NAV2: variants seen among roughly 807,000 people sequenced by gnomAD.
NAV2 encodes the protein helicase, APC down-regulated 1.
A neutral mutation model predicts 223.2 loss-of-function variants in NAV2; 54 were observed. The observed-to-expected ratio is 0.24, with a 90% CI of 0.19 to 0.30. The LOEUF (loss-of-function observed/expected upper bound fraction) is 0.30. Among genes scored for constraint, NAV2 ranks in the 10% least tolerant of loss-of-function variants. The pLI, the probability that NAV2 is intolerant of heterozygous loss-of-function variation, is 1.00. For synonymous variants in NAV2, 1,279 were observed against 1,239.3 expected, an observed-to-expected ratio of 1.03 and a Z score of -0.67; for missense variants, 2,806 against 3,147.5, an observed-to-expected ratio of 0.89 and a Z score of 2.60.
chr11:20,112,243 C>T (rs916444330), intron 36 of NAV2, among the ~76,000 whole-genome samples: 6 of 152,196 alleles, frequency 3.9e-5, no homozygotes, highest in African/African-American at 1.2e-4. Context: ...GCCCCTCACA[C>T]GATTCCTTCC....
chr11:19,936,785 A>T (rs1251002478), intron 7 of NAV2, among the ~76,000 whole-genome samples: 1 of 152,214 alleles, frequency 6.6e-6, no homozygotes, highest in African/African-American at 2.4e-5. Context: ...CTAGCAGCTT[A>T]GAGGTAATTA....
intron 17 of NAV2, among the ~76,000 whole-genome samples, chr11:20,052,415 G>A (rs2058070074): frequency 6.6e-6 from 1 of 152,200 alleles, no homozygotes; most frequent in Non-Finnish European, 1.5e-5. Context: ...GGGGGCCTTG[G>A]CAAGGCCTTT....
chr11:19,443,052 G>A (rs550871360), intron 1 of NAV2, among the ~76,000 whole-genome samples: 1 of 152,300 alleles, frequency 6.6e-6, no homozygotes, highest in South Asian at 2.1e-4. Context: ...AGGTAACGTA[G>A]TAAAAAGAGC....
At chr11:19,751,517 C>T (rs553349515) in intron 1 of NAV2, among the ~76,000 whole-genome samples, 30 of 152,254 alleles carry the variant, frequency 2.0e-4, no homozygotes, top group Non-Finnish European at 3.5e-4. Context: ...TTACTGTTTT[C>T]CAAGTTTTTC....
intron 2 of NAV2, among the ~76,000 whole-genome samples, chr11:19,836,832 T>C (rs1044126360): frequency 6.6e-6 from 1 of 152,176 alleles, no homozygotes; most frequent in Non-Finnish European, 1.5e-5. Flanking sequence ...TGCTGGCAGA[T>C]TCTATGTCTT....
intron 6 of NAV2, among the ~76,000 whole-genome samples, chr11:19,908,192 G>T (rs2043027850): frequency 6.6e-6 from 1 of 152,252 alleles, no homozygotes; most frequent in Non-Finnish European, 1.5e-5. Context: ...TAAGGTAGAG[G>T]CTGGCTTCCT....
rs184922700 is a variant in NAV2 at position 19,963,778 on chromosome 11, G to T, written c.2645+14698G>T. Among the ~76,000 whole-genome samples the T allele has an allele frequency of 3.3e-5, 5 of 152,294 alleles. No homozygotes were observed. In the East Asian group the frequency reaches 9.6e-4, roughly 29 times the overall value. ...AGTGCTTATGCAGAAAGTGAATGGG[G>T]GCAAAACTGGTTCTCTGCGTGCTGG... On this transcript the variant is annotated intron_variant, in intron 10 of 37. Coordinates refer to ENST00000349880, the MANE Select transcript of NAV2 (RefSeq NM_145117.5).
intron 1 of NAV2, among the ~76,000 whole-genome samples, chr11:19,630,443 AC>A (rs781174747): frequency 1.3e-5 from 2 of 152,136 alleles, no homozygotes; most frequent in African/African-American, 2.4e-5. Flanking sequence ...ATTCCGAGGA[AC>A]CCTAGGGTTC....
rs1849755237 is a variant in NAV2 at position 19,403,097 on chromosome 11, T to A, written c.75+52070T>A. On this transcript the variant is annotated intron_variant, in intron 1 of 37. Transcript: ENST00000360655. ...TGATTCTGTTTCTACATCTGAAATA[T>A]GGGTTGTTAAAAGGTGATGAGTTAA... Among the ~76,000 whole-genome samples, 5 of 152,160 alleles carry A rather than the reference T, an allele frequency of 3.3e-5. No individual in the cohort carries two copies. The South Asian group carries it at 1.0e-3, about 32-fold the overall frequency.
chr11:19,984,720 G>A (rs1418452160), intron 11 of NAV2, among the ~76,000 whole-genome samples: 1 of 152,186 alleles, frequency 6.6e-6, no homozygotes, highest in Non-Finnish European at 1.5e-5. Flanking sequence ...TAAGGACATG[G>A]GTTTAGACAC....
intron 1 of NAV2, among the ~76,000 whole-genome samples, chr11:19,703,835 A>T (rs1049531291): frequency 1.3e-5 from 2 of 152,038 alleles, no homozygotes; most frequent in Non-Finnish European, 2.9e-5. Context: ...GCCTGTGCCC[A>T]CTCCCAGAAT....
intron 1 of NAV2, among the ~76,000 whole-genome samples, chr11:19,695,625 C>T (rs1395333459): frequency 1.3e-5 from 2 of 152,142 alleles, no homozygotes; most frequent in Non-Finnish European, 1.5e-5. Flanking sequence ...CTGGATGGGC[C>T]GGGCATGGTG....
At chr11:19,656,081 T>C (rs988318909) in intron 1 of NAV2, among the ~76,000 whole-genome samples, 16 of 152,068 alleles carry the variant, frequency 1.1e-4, no homozygotes, top group Admixed American at 3.3e-4. Context: ...AACCTTTCCG[T>C]GAAGGGGCTC....
At chr11:19,902,713 T>C (rs1207815465) in intron 6 of NAV2, among the ~76,000 whole-genome samples, 1 of 152,198 alleles carries the variant, frequency 6.6e-6, no homozygotes, top group African/African-American at 2.4e-5. Flanking sequence ...TTTACCTTTC[T>C]GGGTGCTCTC....
intron 6 of NAV2, among the ~76,000 whole-genome samples, chr11:19,897,905 TGTGAGC>T (rs1181475331): frequency 1.3e-5 from 2 of 148,690 alleles, no homozygotes; most frequent in Non-Finnish European, 3.0e-5. Flanking sequence ...TATATATATA[TGTGAGC>T]AGATTTGCCC....
Position 20,045,006 on chromosome 11 carries a change from C to T in NAV2, c.3238C>T (p.Leu1080Phe). ...CGCAAAGGTGTCTGAGAAAGGAAGG[C>T]TTTCTCCTAAAGCCTCCCAGGTGAA... ...DDAKVSEKGR[L>F]SPKASQVKRS... The change falls in exon 14 of 38, where the codon CTT (leucine) becomes TTT (phenylalanine). Residue 1080 changes from leucine (L) to phenylalanine (F), a missense_variant. This residue lies in a region of NAV2 where 742 missense variants were observed against 777.9 expected (regional missense o/e 0.95). Transcript: ENST00000349880. 6.2e-7 allele frequency: 1 copy of T among 1,613,482 alleles called. No individual in the cohort carries two copies. Among genetic ancestry groups the T allele is most frequent in the Non-Finnish European group, 8.5e-7 (1 of 1,179,860 alleles).
At chr11:19,989,611 T>C (rs1335826931) in intron 11 of NAV2, among the ~76,000 whole-genome samples, 1 of 152,196 alleles carries the variant, frequency 6.6e-6, no homozygotes, top group Non-Finnish European at 1.5e-5. Context: ...TAAACTTATA[T>C]CAGAAGGTAA....
At chr11:19,788,485 A>G (rs2057299552) in intron 1 of NAV2, among the ~76,000 whole-genome samples, 1 of 152,182 alleles carries the variant, frequency 6.6e-6, no homozygotes, top group Non-Finnish European at 1.5e-5. Flanking sequence ...TTCTCATTTC[A>G]TAGACGAGGA....
At chr11:19,911,134 T>C (rs2043278737) in intron 6 of NAV2, among the ~76,000 whole-genome samples, 1 of 151,614 alleles carries the variant, frequency 6.6e-6, no homozygotes, top group Non-Finnish European at 1.5e-5. Flanking sequence ...CTGTTGGCTA[T>C]ATGGTGCCTG....
Sources: gnomAD v4.1 joint callset for allele counts (sites outside exome capture counted in the v4.1 genomes callset) on GRCh38, gnomAD v4.1.1 for gene constraint, gnomAD v4.1.1 regional missense constraint, MANE v1.5 for transcripts, NCBI Gene and HGNC (gene_info 2026-07-23, HGNC 2026-07-21) for gene names.